The following LRRC74A variants were observed in gnomAD, a reference collection of about 807,000 sequenced individuals.
LRRC74A encodes leucine-rich repeat-containing protein 74A.
LRRC74A carries 44 observed loss-of-function variants against 57.9 expected under a neutral mutation model. That is an observed-to-expected ratio of 0.76 (90% CI 0.60 to 0.98). LRRC74A has a LOEUF of 0.98. Among genes scored for constraint, LRRC74A ranks in the 50% least tolerant of loss-of-function variants. LRRC74A has a pLI of 0.00. For missense variants in LRRC74A, 572 were observed against 574.0 expected, an observed-to-expected ratio of 1.00 and a Z score of 0.04; for synonymous variants, 211 against 219.4, an observed-to-expected ratio of 0.96 and a Z score of 0.34.
intron 3 of LRRC74A, among the ~76,000 whole-genome samples, chr14:76,834,744 G>A (rs1163892321): frequency 1.3e-5 from 2 of 152,260 alleles, no homozygotes; most frequent in South Asian, 2.1e-4. Flanking sequence ...GGAATGTGCT[G>A]GTCCCCAGTA....
chr14:76,843,287 CAAAAAAAAAAAAAAA>C (rs59087508), intron 5 of LRRC74A, among the ~76,000 whole-genome samples: 101,438 of 131,172 alleles, frequency 0.77, 39,043 homozygotes, highest in East Asian at 0.89. Flanking sequence ...GACTCCGTCT[CAAAAAAAAAAAAAAA>C]AAAAAAAAAA....
At chr14:76,851,158 A>C (rs962842318) in intron 7 of LRRC74A, among the ~76,000 whole-genome samples, 9 of 152,176 alleles carry the variant, frequency 5.9e-5, no homozygotes, top group African/African-American at 2.2e-4. Context: ...CCCACTTCCA[A>C]CTGATTGTGC....
At chr14:76,861,946 ATTG>A (rs946407486) in intron 11 of LRRC74A, among the ~76,000 whole-genome samples, 2 of 152,220 alleles carry the variant, frequency 1.3e-5, no homozygotes, top group African/African-American at 4.8e-5. Context: ...CCACATGAAA[ATTG>A]TTATGTGAAA....
At chr14:76,840,296 A>T (rs1317165982) in intron 5 of LRRC74A, among the ~76,000 whole-genome samples, 2 of 152,182 alleles carry the variant, frequency 1.3e-5, no homozygotes, top group African/African-American at 4.8e-5. Context: ...AAAAGAAAAA[A>T]AATTAGGTAA....
intron 11 of LRRC74A, among the ~76,000 whole-genome samples, chr14:76,864,660 C>A (rs1166733323): frequency 6.6e-6 from 1 of 152,082 alleles, no homozygotes; most frequent in African/African-American, 2.4e-5. Context: ...TCAAGACCAG[C>A]CTGACCAACA....
intron 8 of LRRC74A, 112 bp from the exon 9 acceptor site, chr14:76,853,104 G>A: frequency 1.0e-6 from 1 of 955,780 alleles, no homozygotes; most frequent in Non-Finnish European, 1.6e-6. Flanking sequence ...CAGTCCTGGG[G>A]ACCACTGAGC....
chr14:76,837,821 T>G, intron 4 of LRRC74A, 54 bp from the exon 5 acceptor site: 13 of 1,020,112 alleles, frequency 1.3e-5, no homozygotes, highest in African/African-American at 1.6e-5. Flanking sequence ...CATTTTTTCA[T>G]GAGGGCCCTT....
intron 7 of LRRC74A, among the ~76,000 whole-genome samples, chr14:76,848,157 A>G (rs998900102): frequency 1.3e-5 from 2 of 151,936 alleles, no homozygotes. Context: ...GAGGGATAGC[A>G]TTAGGAGATA....
At chr14:76,850,861 A>AAAAAAAG (rs773711469) in intron 7 of LRRC74A, among the ~76,000 whole-genome samples, 32 of 96,544 alleles carry the variant, frequency 3.3e-4, no homozygotes, top group East Asian at 5.8e-4. Context: ...AAAAAAAAAA[A>AAAAAAAG]AAAGAAAGAA....
chr14:76,837,628 A>G (rs1311462264), intron 4 of LRRC74A, among the ~76,000 whole-genome samples: 2 of 152,184 alleles, frequency 1.3e-5, no homozygotes, highest in African/African-American at 4.8e-5. Context: ...CTTGAAGCCA[A>G]CTTCAAAAAA....
chr14:76,846,600 G>A (rs1221184054), intron 7 of LRRC74A, among the ~76,000 whole-genome samples: 2 of 152,236 alleles, frequency 1.3e-5, no homozygotes, highest in Admixed American at 6.5e-5. Context: ...GGGAGGAGGT[G>A]GGGATAGAGA....
rs144085604 is a variant in LRRC74A at position 76,826,974 on chromosome 14, G to A, written c.37+240G>A. Among the ~76,000 whole-genome samples, 558 of 152,328 alleles carry A rather than the reference G, an allele frequency of 3.7e-3. 1 individual carries two copies. The highest frequency in any genetic ancestry group is 7.2e-3 in the South Asian group (35 of 4,828). On this transcript the variant is annotated intron_variant, in intron 1 of 13. Coordinates refer to ENST00000689127, the MANE Select transcript of LRRC74A (RefSeq NM_001385106.1). ...GCTTTAATTTTTATTGTGTGGGCCAGTTGATACCACATTTATAGTTTGAAA... is the reference window on the plus strand; with the variant it reads ...GCTTTAATTTTTATTGTGTGGGCCAATTGATACCACATTTATAGTTTGAAA...
chr14:76,829,813 T>C (rs1566714134), intron 2 of LRRC74A, among the ~76,000 whole-genome samples: 2 of 151,898 alleles, frequency 1.3e-5, no homozygotes, highest in African/African-American at 4.8e-5. Context: ...GCTGAGACAC[T>C]GGGAATGGGC....
chr14:76,849,561 G>A (rs1273462582), intron 7 of LRRC74A, among the ~76,000 whole-genome samples: 16 of 151,728 alleles, frequency 1.1e-4, no homozygotes, highest in African/African-American at 3.1e-4. Context: ...CAACACTTTC[G>A]GAGGCCGAGG....
intron 5 of LRRC74A, among the ~76,000 whole-genome samples, chr14:76,839,034 T>G (rs1431319547): frequency 6.6e-6 from 1 of 152,296 alleles, no homozygotes; most frequent in Non-Finnish European, 1.5e-5. Context: ...TCTCTTGAAC[T>G]GCTGGCTAGT....
intron 3 of LRRC74A, 118 bp from the exon 4 acceptor site, chr14:76,836,089 C>G: frequency 1.4e-6 from 1 of 730,690 alleles, no homozygotes; most frequent in South Asian, 1.8e-5. Flanking sequence ...GCCAGGCCTT[C>G]AGAATTCCTA....
intron 7 of LRRC74A, among the ~76,000 whole-genome samples, chr14:76,849,141 G>C (rs1897277737): frequency 6.6e-6 from 1 of 152,108 alleles, no homozygotes; most frequent in South Asian, 2.1e-4. Context: ...ACATGAGACA[G>C]ACTGTGCTCT....
At position 76,863,185 on chromosome 14, in the gene LRRC74A, A is replaced by AGTGTGTGTGTGTGTGT. The variant is rs112669509; in HGVS notation, c.1200+2361_1200+2376dup. ...TGGGGGTGTGTATTGCATGCATGTG[A>AGTGTGTGTGTGTGTGT]GTGTGTGTGTGTGTGTGTGTGTGTG... On this transcript the variant is annotated intron_variant, in intron 11 of 13. Transcript: ENST00000689127. Among the ~76,000 whole-genome samples, 888 of 145,310 alleles carry AGTGTGTGTGTGTGTGT rather than the reference A, an allele frequency of 6.1e-3. 10 individuals carry two copies. The highest frequency in any genetic ancestry group is 0.014 in the Middle Eastern group (4 of 290).
chr14:76,847,580 T>C (rs12890285), intron 7 of LRRC74A, among the ~76,000 whole-genome samples: 9,357 of 122,316 alleles, frequency 0.076, 318 homozygotes, highest in Non-Finnish European at 0.097. Flanking sequence ...GAAAAATAAC[T>C]GAGTACTAGG....
Sources: gnomAD v4.1 joint callset for allele counts (sites outside exome capture counted in the v4.1 genomes callset) on GRCh38, gnomAD v4.1.1 for gene constraint, MANE v1.5 for transcripts, NCBI Gene and HGNC (gene_info 2026-07-23, HGNC 2026-07-21) for gene names.